Variants in NRL observed in about 807,000 individuals in gnomAD.
NRL encodes neural retina leucine zipper, also known as neural retina-specific leucine zipper protein.
NRL carries 16 observed loss-of-function variants against 12.5 expected under a neutral mutation model. That is an observed-to-expected ratio of 1.28 (90% CI 0.87 to 1.95). The LOEUF (loss-of-function observed/expected upper bound fraction) is 1.95. Ranked by LOEUF, NRL falls within the 30% of genes most tolerant of loss-of-function variation. The pLI is 0.00. For synonymous variants in NRL, 142 were observed against 150.9 expected (o/e 0.94, Z 0.43); for missense variants, 314 against 325.8 (o/e 0.96, Z 0.28).
intron 1 of NRL, chr14:24,103,553 TGGCTACAAC>T (rs1368972555): frequency 1.9e-6 from 3 of 1,570,548 alleles, no homozygotes; most frequent in African/African-American, 1.4e-5. Flanking sequence ...GGCCCTTTTT[TGGCTACAAC>T]TTCGGGCACT....
intron 1 of NRL, among the ~76,000 whole-genome samples, chr14:24,087,046 A>G (rs1426479281): frequency 6.6e-6 from 1 of 152,230 alleles, no homozygotes; most frequent in African/African-American, 2.4e-5. Flanking sequence ...GAAAAAGATG[A>G]AGCCAGTGTG....
chr14:24,103,516 T>G, intron 1 of NRL: 2 of 1,544,402 alleles, frequency 1.3e-6, no homozygotes, highest in Non-Finnish European at 1.7e-6. Context: ...CCAGGGAAGA[T>G]CATCATGCAC....
intron 1 of NRL, among the ~76,000 whole-genome samples, chr14:24,096,575 C>G (rs948070824): frequency 6.6e-6 from 1 of 152,150 alleles, no homozygotes; most frequent in Non-Finnish European, 1.5e-5. Context: ...AACAGTTAAA[C>G]ATGGGCATGG....
rs555032505 is a variant in NRL, at chr14:24,095,070, G to A, written c.-27-12195C>T. 6.6e-5 allele frequency: 30 copies of A among 455,632 alleles called. 1 individual carries two copies. Among genetic ancestry groups the A allele is most frequent in the Middle Eastern group, 3.3e-4 (1 of 3,062 alleles). 28.2% of individuals were successfully genotyped at this position (455,632 alleles called of 1,614,324 possible). A position where few individuals can be genotyped will look rare whatever the true frequency, so the allele number is the denominator to read the frequency against. On this transcript the variant is annotated intron_variant, in intron 1 of 2. Coordinates refer to ENST00000561028, the MANE Select transcript of NRL (RefSeq NM_001354768.3). ...GCTTCTTCCTCCGTCCAGGCCTGGA[G>A]CCCCCAGGCTCGTCCTGTTTGTCTG... is the stretch of plus-strand genomic sequence containing the variant.
intron 1 of NRL, among the ~76,000 whole-genome samples, chr14:24,087,243 G>A (rs542897304): frequency 2.6e-5 from 4 of 152,250 alleles, no homozygotes; most frequent in African/African-American, 9.6e-5. Context: ...GGGAGTAGGG[G>A]ACAACAAGGA....
intron 1 of NRL, among the ~76,000 whole-genome samples, chr14:24,093,707 G>A (rs2036715695): frequency 6.6e-6 from 1 of 152,090 alleles, no homozygotes. Context: ...TGCCGGGGGA[G>A]GAGAATGACC....
intron 1 of NRL, chr14:24,095,346 G>A (rs2036821021): frequency 2.4e-6 from 1 of 417,550 alleles, no homozygotes; most frequent in Non-Finnish European, 4.9e-6. Flanking sequence ...GATGCTCACG[G>A]AGAACTTCCC....
intron 1 of NRL, chr14:24,103,115 T>A (rs755240223): frequency 6.8e-7 from 1 of 1,479,852 alleles, no homozygotes; most frequent in South Asian, 1.1e-5. Context: ...GGAGTTAGGG[T>A]CCAAAGAAAA....
intron 1 of NRL, chr14:24,099,125 C>T: frequency 6.2e-7 from 1 of 1,612,198 alleles, no homozygotes; most frequent in Non-Finnish European, 8.5e-7. Context: ...GGGAGATCAT[C>T]TCCTTCGGCA....
intron 1 of NRL, chr14:24,110,386 G>T: frequency 2.9e-6 from 1 of 346,014 alleles, no homozygotes; most frequent in South Asian, 1.9e-5. Flanking sequence ...TGGGATTACA[G>T]GTGTGAGCTA....
chr14:24,103,533 T>C lies in NRL; in HGVS notation c.-28+11189A>G, dbSNP rs760016202. 7.1e-6 allele frequency: 11 copies of C among 1,559,202 alleles called. No individual in the cohort carries two copies. In the South Asian group the frequency reaches 1.3e-4, roughly 19 times the overall value. On this transcript the variant is annotated intron_variant, in intron 1 of 2. Transcript: ENST00000561028. ...AGGGAAGATCATCATGCACGACCCATTTGCCATGCGGCCCTTTTTTGGCTA... is the reference window on the plus strand; with the variant it reads ...AGGGAAGATCATCATGCACGACCCACTTGCCATGCGGCCCTTTTTTGGCTA...
At chr14:24,107,033 T>C (rs1371537260) in intron 1 of NRL, among the ~76,000 whole-genome samples, 1 of 152,200 alleles carries the variant, frequency 6.6e-6, no homozygotes, top group Non-Finnish European at 1.5e-5. Flanking sequence ...CACTTTATAA[T>C]GATTAGAGTA....
chr14:24,113,187 C>T (rs2037446346), intron 1 of NRL, among the ~76,000 whole-genome samples: 1 of 103,550 alleles, frequency 9.7e-6, no homozygotes, highest in African/African-American at 3.9e-5. Flanking sequence ...AATGAGATCA[C>T]ATGGACACAG....
Position 24,079,275 on chromosome 14 carries a change from T to G in NRL, c.*1961A>C, listed in dbSNP as rs533125693. ...AGGTGAGAAAAGTGAACAAGAAAAG[T>G]AGTGGGTCTGAATTACAGCTCCAGG... On this transcript the variant is annotated 3_prime_UTR_variant, in exon 3 of 3. Transcript: ENST00000561028. Among the ~76,000 whole-genome samples the G allele has an allele frequency of 2.0e-5, 3 of 152,112 alleles. No individual in the cohort carries two copies. Among genetic ancestry groups the G allele is most frequent in the Admixed American group, 2.0e-4 (3 of 15,266 alleles).
Position 24,082,894 on chromosome 14 carries a change from G to T in NRL, c.-27-19C>A. ...AGTGCACCTGCAAAGAGGAGGAGAG[G>T]TCTGGAGCACATGGAGGCCACCTGC... On this transcript the variant is annotated intron_variant, in intron 1 of 2. Transcript: ENST00000561028. 1 of 1,577,664 alleles carries T rather than the reference G, an allele frequency of 6.3e-7. No homozygotes were observed. Among genetic ancestry groups the T allele is most frequent in the Non-Finnish European group, 8.6e-7 (1 of 1,161,090 alleles).
At chr14:24,093,887 G>A (rs2036721644) in intron 1 of NRL, among the ~76,000 whole-genome samples, 1 of 152,148 alleles carries the variant, frequency 6.6e-6, no homozygotes, top group Non-Finnish European at 1.5e-5. Context: ...TCAGGGTGTC[G>A]CGTCCCCAGG....
At chr14:24,100,039 G>T in intron 1 of NRL, 1 of 1,613,910 alleles carries the variant, frequency 6.2e-7, no homozygotes, top group East Asian at 2.2e-5. Context: ...CTTTGGGGTT[G>T]CCCCTGGTAC....
chr14:24,103,621 C>T (rs2138979547), intron 1 of NRL: 1 of 1,613,902 alleles, frequency 6.2e-7, no homozygotes, highest in Non-Finnish European at 8.5e-7. Flanking sequence ...GCCCAGCTGC[C>T]CCGTATCTTC....
At chr14:24,097,843 C>T (rs1409388879) in intron 1 of NRL, among the ~76,000 whole-genome samples, 2 of 152,182 alleles carry the variant, frequency 1.3e-5, no homozygotes, top group African/African-American at 4.8e-5. Flanking sequence ...ATCCACCCAC[C>T]TCAGCCTCCC....
Sources: allele counts gnomAD v4.1 joint callset (sites outside exome capture counted in the v4.1 genomes callset), GRCh38; gene constraint gnomAD v4.1.1; transcripts MANE v1.5; gene names NCBI Gene and HGNC (gene_info 2026-07-23, HGNC 2026-07-21).